Variants in AGMO observed in about 807,000 individuals in gnomAD.
AGMO encodes the protein glyceryl-ether monooxygenase.
A neutral mutation model predicts 60.2 loss-of-function variants in AGMO; 75 were observed. The observed-to-expected ratio is 1.25, with a 90% CI of 1.03 to 1.51. AGMO has a LOEUF of 1.51. Ranked by LOEUF, AGMO falls within the 40% of genes most tolerant of loss-of-function variation. The pLI, the probability that AGMO is intolerant of heterozygous loss-of-function variation, is 0.00. For synonymous variants in AGMO, 261 were observed against 177.1 expected (o/e 1.47, Z -3.76); for missense variants, 763 against 525.5 (o/e 1.45, Z -4.42).
intron 12 of AGMO, among the ~76,000 whole-genome samples, chr7:15,359,256 TGCA>T (rs1045053471): frequency 2.1e-5 from 3 of 145,190 alleles, no homozygotes; most frequent in African/African-American, 7.8e-5. Flanking sequence ...GCCACTGCAC[TGCA>T]GCCTCAGCAA....
intron 3 of AGMO, among the ~76,000 whole-genome samples, chr7:15,493,689 C>T (rs936736354): frequency 2.6e-5 from 4 of 152,004 alleles, no homozygotes; most frequent in Non-Finnish European, 1.5e-5. Context: ...TTTCTTTTTC[C>T]CTGATCATTT....
intron 3 of AGMO, among the ~76,000 whole-genome samples, chr7:15,477,404 G>A (rs1782624810): frequency 6.6e-6 from 1 of 152,044 alleles, no homozygotes; most frequent in Admixed American, 6.6e-5. Flanking sequence ...CTTGGTATAT[G>A]ATCGTATCAT....
At chr7:15,478,700 T>C (rs1782664252) in intron 3 of AGMO, among the ~76,000 whole-genome samples, 2 of 152,318 alleles carry the variant, frequency 1.3e-5, no homozygotes, top group African/African-American at 2.4e-5. Context: ...TCACTGGTCA[T>C]GTTCCTGTTC....
chr7:15,320,440 A>G (rs184366361), intron 12 of AGMO, among the ~76,000 whole-genome samples: 51 of 152,186 alleles, frequency 3.4e-4, no homozygotes, highest in Non-Finnish European at 6.8e-4. Context: ...CAATTTAGAA[A>G]TGTTTCTACT....
intron 10 of AGMO, among the ~76,000 whole-genome samples, chr7:15,383,084 A>G (rs956379168): frequency 6.6e-6 from 1 of 151,982 alleles, no homozygotes; most frequent in African/African-American, 2.4e-5. Flanking sequence ...TAGGCTGGGT[A>G]CATAATCTAG....
At chr7:15,172,438 G>A in the AGMO span, among the ~76,000 whole-genome samples, 1,895 of 152,298 alleles carry the variant, frequency 0.012, 38 homozygotes, top group African/African-American at 0.043. Flanking sequence ...TGGGATTGCA[G>A]CAATCATTCT....
At chr7:15,541,127 G>C (rs760595486) in intron 3 of AGMO, among the ~76,000 whole-genome samples, 12 of 151,840 alleles carry the variant, frequency 7.9e-5, no homozygotes, top group Non-Finnish European at 1.6e-4. Flanking sequence ...TTTTGTTTTT[G>C]TGGGTTTTTT....
At chr7:15,416,901 C>A (rs913260207) in intron 5 of AGMO, among the ~76,000 whole-genome samples, 3 of 152,116 alleles carry the variant, frequency 2.0e-5, no homozygotes, top group Non-Finnish European at 4.4e-5. Flanking sequence ...ATACTTAATA[C>A]TCCTCCCACT....
chr7:15,127,704 GATTTT>G, the AGMO span, among the ~76,000 whole-genome samples: 2 of 151,900 alleles, frequency 1.3e-5, no homozygotes, highest in Non-Finnish European at 1.5e-5. Context: ...TCTGCAACTG[GATTTT>G]ATATTTCTAT....
At chr7:15,138,471 C>T in the AGMO span, among the ~76,000 whole-genome samples, 1 of 152,140 alleles carries the variant, frequency 6.6e-6, no homozygotes, top group African/African-American at 2.4e-5. Context: ...CAATGATCTG[C>T]TGAATCAGTA....
chr7:15,549,463 T>A (rs576053479), intron 2 of AGMO, among the ~76,000 whole-genome samples: 1 of 151,998 alleles, frequency 6.6e-6, no homozygotes, highest in African/African-American at 2.4e-5. Flanking sequence ...AATAAAAGGA[T>A]GGAGGAAGAC....
At chr7:15,424,112 T>C (rs1361470397) in intron 4 of AGMO, among the ~76,000 whole-genome samples, 3 of 152,188 alleles carry the variant, frequency 2.0e-5, no homozygotes, top group African/African-American at 7.2e-5. Flanking sequence ...TGCTTCAAGC[T>C]TTATTTCTTC....
At chr7:15,162,145 C>A in the AGMO span, among the ~76,000 whole-genome samples, 1 of 152,044 alleles carries the variant, frequency 6.6e-6, no homozygotes, top group Non-Finnish European at 1.5e-5. Context: ...CATGTAAGAC[C>A]TGCCTTGCTT....
chr7:15,261,853 A>G (rs1195536299), intron 12 of AGMO, among the ~76,000 whole-genome samples: 2 of 152,074 alleles, frequency 1.3e-5, no homozygotes, highest in East Asian at 3.9e-4. Context: ...TGACATCCAG[A>G]AATCAATAAA....
At chr7:15,318,249 C>A (rs1313683875) in intron 12 of AGMO, among the ~76,000 whole-genome samples, 1 of 151,942 alleles carries the variant, frequency 6.6e-6, no homozygotes, top group Non-Finnish European at 1.5e-5. Context: ...AGTGATCCAC[C>A]CGCCTCAGCC....
intron 3 of AGMO, among the ~76,000 whole-genome samples, chr7:15,539,934 T>G (rs1784580006): frequency 6.6e-6 from 1 of 152,180 alleles, no homozygotes; most frequent in African/African-American, 2.4e-5. Flanking sequence ...TGTTATTCTA[T>G]GTAATATATG....
intron 12 of AGMO, among the ~76,000 whole-genome samples, chr7:15,342,667 G>A (rs564753988): frequency 6.8e-6 from 1 of 148,104 alleles, no homozygotes; most frequent in East Asian, 2.1e-4. Context: ...GTGTGTGTGT[G>A]TAAAAGCTTG....
intron 12 of AGMO, among the ~76,000 whole-genome samples, chr7:15,284,776 A>C (rs1784057348): frequency 6.6e-6 from 1 of 152,036 alleles, no homozygotes; most frequent in Non-Finnish European, 1.5e-5. Flanking sequence ...ACAACAACAA[A>C]AAAGAAAACC....
intron 3 of AGMO, among the ~76,000 whole-genome samples, chr7:15,542,480 T>G (rs1465951287): frequency 6.6e-6 from 1 of 152,192 alleles, no homozygotes; most frequent in Non-Finnish European, 1.5e-5. Context: ...TGGTAATATC[T>G]TGTTGATTCT....
Sources: gnomAD v4.1 joint callset for allele counts (sites outside exome capture counted in the v4.1 genomes callset) on GRCh38, gnomAD v4.1.1 for gene constraint, MANE v1.5 for transcripts, NCBI Gene and HGNC (gene_info 2026-07-23, HGNC 2026-07-21) for gene names.